The following CDC73 variants were observed in gnomAD, a reference collection of about 807,000 sequenced individuals.
CDC73 encodes cell division cycle 73.
A neutral mutation model predicts 83.7 loss-of-function variants in CDC73; 21 were observed. That is an observed-to-expected ratio of 0.25 (90% confidence interval 0.18 to 0.36). The LOEUF is 0.36. Ranked by LOEUF, CDC73 falls within the 10% of genes least tolerant of loss-of-function variation. The pLI is 1.00. For synonymous variants in CDC73, 224 were observed against 212.9 expected (o/e 1.05, Z -0.45); for missense variants, 342 against 653.3 (o/e 0.52, Z 5.19).
At chr1:193,236,220 T>C in intron 14 of CDC73, 36 bp from the exon 15 acceptor site, 1 of 1,229,412 alleles carries the variant, frequency 8.1e-7, no homozygotes. Context: ...TCTCCGTCTG[T>C]CCCCTACCTC....
chr1:193,130,681 T>C (rs1201516189), intron 3 of CDC73, among the ~76,000 whole-genome samples: 1 of 152,242 alleles, frequency 6.6e-6, no homozygotes, highest in Admixed American at 6.5e-5. Context: ...GCTTCTTTTT[T>C]ACCTTTGTTT....
In CDC73 at chr1:193,253,816, C is replaced by T. The variant is rs1045344829; in HGVS notation, c.*3104C>T. 1 of 228,384 alleles carries T rather than the reference C, an allele frequency of 4.4e-6. No homozygotes were observed. The highest frequency in any genetic ancestry group is 2.2e-5 in the African/African-American group (1 of 45,020). The allele number at this position is 228,384 out of a possible 1,614,324, so 14.1% of individuals were successfully genotyped here. ...GTCTACACAGAAAAGTAAAAGTAAA[C>T]TATTCATTTAAATAAGATTCATTAT... On this transcript the variant is annotated 3_prime_UTR_variant, in exon 17 of 17. Coordinates refer to ENST00000367435, the MANE Select transcript of CDC73 (RefSeq NM_024529.5).
At position 193,254,327 on chromosome 1, in the gene CDC73, T is replaced by G. The variant is rs951417244; in HGVS notation, c.*3615T>G. ...CAGCTGCTCTGTTTCTTTAAAAAAG[T>G]ACAACATGAAAATTTAATTACATTA... On this transcript the variant is annotated 3_prime_UTR_variant, in exon 17 of 17. Coordinates refer to ENST00000367435, the MANE Select transcript of CDC73 (RefSeq NM_024529.5). Among the ~76,000 whole-genome samples the G allele has an allele frequency of 6.6e-6, 1 of 152,066 alleles. No individual in the cohort carries two copies. The highest frequency in any genetic ancestry group is 2.4e-5 in the African/African-American group (1 of 41,460).
intron 2 of CDC73, among the ~76,000 whole-genome samples, chr1:193,126,971 A>G (rs1348220603): frequency 6.6e-6 from 1 of 152,038 alleles, no homozygotes; most frequent in Non-Finnish European, 1.5e-5. Context: ...TTGTTGTCTA[A>G]AGCAACTAAA....
At chr1:193,245,879 C>G (rs548208979) in intron 15 of CDC73, among the ~76,000 whole-genome samples, 1 of 151,920 alleles carries the variant, frequency 6.6e-6, no homozygotes, top group African/African-American at 2.4e-5. Flanking sequence ...GATTTCCTGA[C>G]GATTAGTGAC....
chr1:193,228,159 T>G (rs1273783473), intron 13 of CDC73, among the ~76,000 whole-genome samples: 2 of 152,200 alleles, frequency 1.3e-5, no homozygotes, highest in East Asian at 3.8e-4. Flanking sequence ...TGATTTAATA[T>G]CTCTGAAATT....
chr1:193,222,715 G>A (rs1284672554), intron 13 of CDC73, among the ~76,000 whole-genome samples: 3 of 144,060 alleles, frequency 2.1e-5, no homozygotes, highest in Admixed American at 6.9e-5. Context: ...TTTTTCATCA[G>A]TTCTCAAAGT....
chr1:193,247,495 G>A (rs1045592824), intron 15 of CDC73, among the ~76,000 whole-genome samples: 2 of 152,026 alleles, frequency 1.3e-5, no homozygotes, highest in African/African-American at 4.8e-5. Context: ...GAAAGGAAGA[G>A]TTGCACATCT....
At chr1:193,144,112 C>CAAAAAAAAAAAAAAAAAA (rs67477778) in intron 7 of CDC73, among the ~76,000 whole-genome samples, 2 of 64,416 alleles carry the variant, frequency 3.1e-5, no homozygotes, top group African/African-American at 1.2e-4. Context: ...TCTGTCTCAC[C>CAAAAAAAAAAAAAAAAAA]AAAAAAAAAA....
intron 15 of CDC73, among the ~76,000 whole-genome samples, chr1:193,239,271 G>A (rs1341010573): frequency 6.6e-6 from 1 of 152,116 alleles, no homozygotes; most frequent in Admixed American, 6.5e-5. Flanking sequence ...AGAAACTTGG[G>A]AGTATATTAT....
chr1:193,180,817 A>G (rs765402945), intron 10 of CDC73: 7 of 1,614,098 alleles, frequency 4.3e-6, no homozygotes. Context: ...GTCAGTTTTC[A>G]TAACATATGG....
At chr1:193,229,401 T>A (rs1285469297) in intron 13 of CDC73, among the ~76,000 whole-genome samples, 1 of 152,180 alleles carries the variant, frequency 6.6e-6, no homozygotes, top group Non-Finnish European at 1.5e-5. Flanking sequence ...AGTAATTAGG[T>A]CATAAGGGCT....
chr1:193,233,123 G>T lies in CDC73; in HGVS notation c.1285G>T (p.Asp429Tyr). 6.2e-7 allele frequency: 1 copy of T among 1,613,490 alleles called. No individual in the cohort carries two copies. The highest frequency in any genetic ancestry group is 1.1e-5 in the South Asian group (1 of 91,044). Residue 429 changes from aspartate (D) to tyrosine (Y), a missense_variant, in exon 14 of 17, where the codon GAC (aspartate) becomes TAC (tyrosine). By Grantham distance (160) the Asp-to-Tyr change is radical. Coordinates refer to ENST00000367435, the MANE Select transcript of CDC73 (RefSeq NM_024529.5). ...TGTTACAGTACCTTATAGAGTAGTAGACCAGCCCCTTAAACTTATGCCTCA... is the reference window on the plus strand; with the variant it reads ...TGTTACAGTACCTTATAGAGTAGTATACCAGCCCCTTAAACTTATGCCTCA... ...ISVTVPYRVV[D>Y]QPLKLMPQDW...
intron 10 of CDC73, among the ~76,000 whole-genome samples, chr1:193,167,134 A>G (rs1482822909): frequency 1.3e-5 from 2 of 152,198 alleles, no homozygotes. Context: ...AATAATCAAG[A>G]AAATAGTGTA....
Position 193,132,895 on chromosome 1 carries a change from ATTTT to A in CDC73, c.308-2476_308-2473del, listed in dbSNP as rs781435930. On this transcript the variant is annotated intron_variant, in intron 3 of 16. Transcript: ENST00000367435. ...TATCCATCTATGTCATTTCCTGTAG[ATTTT>A]TTTTTTTTTTTTTTTTTTTGAGAAG... Among the ~76,000 whole-genome samples the A allele has an allele frequency of 3.0e-3, 340 of 113,192 alleles. 1 individual carries two copies. Among genetic ancestry groups the A allele is most frequent in the African/African-American group, 0.011 (326 of 30,328 alleles). The allele number at this position is 113,192 out of a possible 152,430, so 74.3% of individuals were successfully genotyped here.
chr1:193,201,922 A>C (rs902363755), intron 10 of CDC73, among the ~76,000 whole-genome samples: 1 of 151,788 alleles, frequency 6.6e-6, no homozygotes, highest in Admixed American at 6.6e-5. Flanking sequence ...AACTTAGGCC[A>C]CTCTATTCCA....
chr1:193,169,034 C>G (rs906791123), intron 10 of CDC73, among the ~76,000 whole-genome samples: 4 of 151,962 alleles, frequency 2.6e-5, no homozygotes, highest in African/African-American at 9.7e-5. Context: ...AAGTAGCAGC[C>G]TGGATTTGGC....
At chr1:193,200,389 A>T (rs1449647725) in intron 10 of CDC73, among the ~76,000 whole-genome samples, 1 of 152,238 alleles carries the variant, frequency 6.6e-6, no homozygotes, top group Non-Finnish European at 1.5e-5. Context: ...TGCAAATATC[A>T]GAAGATTTTA....
At position 193,170,458 on chromosome 1, in the gene CDC73, G is replaced by A. The variant is rs377234910; in HGVS notation, c.972+18014G>A. 3.7e-4 allele frequency among the ~76,000 whole-genome samples: 57 copies of A among 152,044 alleles called. 1 individual carries two copies. In the South Asian group the frequency reaches 0.012, roughly 32 times the overall value. ...TTCTACACAACTTTGCCAGCATCTT[G>A]TTTTTTGATAGCCGTTCTGACTGGC... On this transcript the variant is annotated intron_variant, in intron 10 of 16. Coordinates refer to ENST00000367435, the MANE Select transcript of CDC73 (RefSeq NM_024529.5).
Sources: gnomAD v4.1 joint callset for allele counts (sites outside exome capture counted in the v4.1 genomes callset) on GRCh38, gnomAD v4.1.1 for gene constraint, MANE v1.5 for transcripts, NCBI Gene and HGNC (gene_info 2026-07-23, HGNC 2026-07-21) for gene names.